INTS9: variants seen among roughly 807,000 people sequenced by gnomAD.
INTS9 encodes the protein protein related to CPSF subunits of 74 kDa.
A neutral mutation model predicts 79.7 loss-of-function variants in INTS9; 55 were observed. The ratio of observed to expected loss-of-function variants is 0.69; its 90% CI spans 0.56 to 0.86. The LOEUF is 0.86. INTS9 is among the 40% of genes least tolerant of loss of function. The probability of loss-of-function intolerance (pLI) is 0.00; values close to 1 mark genes in which losing one functional copy is unlikely to be tolerated. For missense variants in INTS9, 721 were observed against 831.5 expected (o/e 0.87, Z 1.64); for synonymous variants, 319 against 325.2 (o/e 0.98, Z 0.20).
chr8:28,885,869 T>C (rs1199586488), intron 1 of INTS9, among the ~76,000 whole-genome samples: 1 of 152,260 alleles, frequency 6.6e-6, no homozygotes, highest in Non-Finnish European at 1.5e-5. Flanking sequence ...TTTCTAATTT[T>C]CCTCTGCTTT....
chr8:28,855,714 T>C (rs776114659), intron 2 of INTS9, among the ~76,000 whole-genome samples: 5 of 152,224 alleles, frequency 3.3e-5, no homozygotes, highest in Non-Finnish European at 7.3e-5. Flanking sequence ...ACGGGTTACA[T>C]AGTGAATTAT....
At chr8:28,857,937 A>G (rs750672206) in intron 2 of INTS9, among the ~76,000 whole-genome samples, 16 of 152,196 alleles carry the variant, frequency 1.1e-4, no homozygotes, top group Non-Finnish European at 1.9e-4. Context: ...AAGAAACCAT[A>G]TGGATAGCTA....
At position 28,859,341 on chromosome 8, in the gene INTS9, C is replaced by G. The variant is rs774110245; in HGVS notation, c.137+95G>C. The G allele has an allele frequency of 8.8e-6, 12 of 1,361,966 alleles. No homozygotes were observed. The East Asian group carries it at 2.8e-4, about 32-fold the overall frequency. 84.4% of individuals were successfully genotyped at this position (1,361,966 alleles called of 1,614,324 possible). ...TTTTTAAGGAAACAAAGCAAACTTACGACAATATACTAGGTACTAGTAACC... is the reference window on the plus strand; with the variant it reads ...TTTTTAAGGAAACAAAGCAAACTTAGGACAATATACTAGGTACTAGTAACC... On this transcript the variant is annotated intron_variant, in intron 2 of 16. Transcript: ENST00000521022.
At chr8:28,881,408 G>A (rs1809787163) in intron 1 of INTS9, among the ~76,000 whole-genome samples, 1 of 140,108 alleles carries the variant, frequency 7.1e-6, no homozygotes, top group Non-Finnish European at 1.5e-5. Context: ...CCGGCCAGCC[G>A]CCCCGCCCGG....
intron 12 of INTS9, chr8:28,780,293 C>T (rs145980889): frequency 1.8e-4 from 66 of 369,442 alleles, no homozygotes; most frequent in African/African-American, 1.5e-3. Flanking sequence ...CCAAGATATC[C>T]CCTATCACAG....
At chr8:28,773,463 CAAAAAAA>C (rs142334976) in intron 14 of INTS9, among the ~76,000 whole-genome samples, 86 of 107,814 alleles carry the variant, frequency 8.0e-4, no homozygotes, top group Admixed American at 1.5e-3. Context: ...GACTCCGTCT[CAAAAAAA>C]AAAAAAAAAA....
At position 28,769,874 on chromosome 8, in the gene INTS9, G is replaced by A. The variant is rs768224797; in HGVS notation, c.1800+15C>T. ...CACGTGTGGAGTTTTCACGGCACCAGCGAAACCAGCTCACCTTCTCCAGGG... is the reference window on the plus strand; with the variant it reads ...CACGTGTGGAGTTTTCACGGCACCAACGAAACCAGCTCACCTTCTCCAGGG... On this transcript the variant is annotated intron_variant, in intron 16 of 16. Transcript: ENST00000521022. The A allele has an allele frequency of 6.2e-7, 1 of 1,613,290 alleles. No homozygotes were observed. Among genetic ancestry groups the A allele is most frequent in the East Asian group, 2.2e-5 (1 of 44,860 alleles).
chr8:28,883,350 A>G (rs1353296903), intron 1 of INTS9, among the ~76,000 whole-genome samples: 1 of 152,212 alleles, frequency 6.6e-6, no homozygotes, highest in Non-Finnish European at 1.5e-5. Context: ...CACGTCTGCA[A>G]TCACTACTCC....
At chr8:28,819,601 G>A (rs1805706071) in intron 6 of INTS9, among the ~76,000 whole-genome samples, 2 of 152,158 alleles carry the variant, frequency 1.3e-5, no homozygotes, top group Non-Finnish European at 2.9e-5. Context: ...AATAGGTGTG[G>A]TGTGGTGCTG....
At chr8:28,814,768 G>A (rs1805373112) in intron 6 of INTS9, among the ~76,000 whole-genome samples, 1 of 152,164 alleles carries the variant, frequency 6.6e-6, no homozygotes, top group African/African-American at 2.4e-5. Flanking sequence ...GGCTGCCAAA[G>A]CACTATGAGT....
intron 1 of INTS9, chr8:28,859,774 C>G: frequency 1.6e-6 from 1 of 632,010 alleles, no homozygotes; most frequent in South Asian, 1.5e-5. Flanking sequence ...ACCCATCTGT[C>G]TTTTCACAGG....
intron 1 of INTS9, among the ~76,000 whole-genome samples, chr8:28,862,819 A>C (rs1318971942): frequency 6.6e-6 from 1 of 152,230 alleles, no homozygotes; most frequent in East Asian, 1.9e-4. Context: ...TAACTATTTG[A>C]TAAGTGGCTT....
At chr8:28,842,582 G>A (rs1353029390) in intron 4 of INTS9, among the ~76,000 whole-genome samples, 1 of 152,054 alleles carries the variant, frequency 6.6e-6, no homozygotes, top group Non-Finnish European at 1.5e-5. Flanking sequence ...CATCTTGGTC[G>A]GGTCATCTTC....
intron 11 of INTS9, among the ~76,000 whole-genome samples, chr8:28,782,523 A>C (rs1040640436): frequency 3.3e-5 from 5 of 152,280 alleles, no homozygotes; most frequent in African/African-American, 1.2e-4. Flanking sequence ...CAGCATGTGG[A>C]CATGTGTGCA....
At chr8:28,832,190 G>A (rs1435832501) in intron 6 of INTS9, among the ~76,000 whole-genome samples, 2 of 152,026 alleles carry the variant, frequency 1.3e-5, no homozygotes, top group Non-Finnish European at 2.9e-5. Context: ...CCAGTCCAGT[G>A]GGCACACAGG....
intron 1 of INTS9, among the ~76,000 whole-genome samples, chr8:28,863,031 G>T (rs1360206178): frequency 2.0e-5 from 3 of 152,134 alleles, no homozygotes; most frequent in Non-Finnish European, 4.4e-5. Flanking sequence ...TACACTGCCT[G>T]GTACACAGTA....
chr8:28,796,666 A>G lies in INTS9; in HGVS notation c.745-11T>C, dbSNP rs376763337. The G allele has an allele frequency of 5.1e-5, 78 of 1,522,840 alleles. No homozygotes were observed. In the African/African-American group the frequency reaches 9.8e-4, roughly 19 times the overall value. The allele number at this position is 1,522,840 out of a possible 1,614,324, so 94.3% of individuals were successfully genotyped here. A position where few individuals can be genotyped will look rare whatever the true frequency, so the allele number is the denominator to read the frequency against. ...AGCTTGGTCCATGGGCTGAAAAAGA[A>G]CACAGAAATATGGTTAGTAATTTTA... On this transcript the variant is annotated splice_polypyrimidine_tract_variant and intron_variant, in intron 8 of 16. Coordinates refer to ENST00000521022, the MANE Select transcript of INTS9 (RefSeq NM_018250.4).
intron 8 of INTS9, chr8:28,796,986 G>T: frequency 4.9e-6 from 1 of 202,040 alleles, no homozygotes; most frequent in Non-Finnish European, 1.0e-5. Context: ...AAGGTATCTT[G>T]TATTTCTGTA....
chr8:28,847,481 T>TCCACCTCCACCACAACCACCACTACTA (rs1807593942), intron 3 of INTS9, among the ~76,000 whole-genome samples: 2 of 150,202 alleles, frequency 1.3e-5, no homozygotes, highest in African/African-American at 4.9e-5. Flanking sequence ...CACTACCACC[T>TCCACCTCCACCACAACCACCACTACTA]CCACCTCCAC....
Sources: allele counts gnomAD v4.1 joint callset (sites outside exome capture counted in the v4.1 genomes callset), GRCh38; gene constraint gnomAD v4.1.1; transcripts MANE v1.5; gene names NCBI Gene and HGNC (gene_info 2026-07-23, HGNC 2026-07-21).